Variants in HMX1 observed in about 807,000 individuals in gnomAD.
HMX1 encodes H6 family homeobox 1.
A neutral mutation model predicts 8.9 loss-of-function variants in HMX1; 8 were observed. The observed-to-expected ratio is 0.90, with a 90% CI of 0.53 to 1.63. The LOEUF (loss-of-function observed/expected upper bound fraction) is 1.63. Ranked by LOEUF, HMX1 falls within the 40% of genes most tolerant of loss-of-function variation. HMX1 has a pLI of 0.00. For synonymous variants in HMX1, 311 were observed against 283.4 expected (o/e 1.10, Z -0.98); for missense variants, 621 against 558.5 (o/e 1.11, Z -1.13).
chr4:8,868,489 C>G lies in HMX1; in HGVS notation c.395-144G>C, dbSNP rs188941740. 51 of 629,880 alleles carry G rather than the reference C, an allele frequency of 8.1e-5. No individual in the cohort carries two copies. Among genetic ancestry groups the G allele is most frequent in the Middle Eastern group, 4.6e-4 (1 of 2,180 alleles). 39.0% of individuals were successfully genotyped at this position (629,880 alleles called of 1,614,324 possible). A position where few individuals can be genotyped will look rare whatever the true frequency, so the allele number is the denominator to read the frequency against. On this transcript the variant is annotated intron_variant, in intron 1 of 1. Transcript: ENST00000400677. This position sits in a 1 kb window ranked among gnomAD's most constrained non-coding sequence, Gnocchi z 4.6. ...GCACAGGGCTGGGCACCCAGCAGCTCTGGGGATGCACACATTGTCAGAACC... is the reference window on the plus strand; with the variant it reads ...GCACAGGGCTGGGCACCCAGCAGCTGTGGGGATGCACACATTGTCAGAACC...
chr4:8,858,741 A>C (rs991804309), intron 1 of HMX1: 1 of 152,182 alleles, frequency 6.6e-6, no homozygotes, highest in African/African-American at 2.4e-5. Context: ...GCAACGAAAA[A>C]CGAAGGTCCT....
intron 1 of HMX1, among the ~76,000 whole-genome samples, chr4:8,858,035 C>G (rs555990838): frequency 1.3e-5 from 2 of 151,854 alleles, no homozygotes; most frequent in South Asian, 4.2e-4. Flanking sequence ...GCCATTAGGG[C>G]TAATGCGATG....
At chr4:8,864,393 C>T (rs757565865), downstream of HMX1, among the ~76,000 whole-genome samples, 2 of 152,114 alleles carry the variant, frequency 1.3e-5, no homozygotes, top group African/African-American at 2.4e-5. Flanking sequence ...GGCTGGAATC[C>T]GGACTCAGGT....
rs1207315749 is a variant in HMX1 at position 8,849,518 on chromosome 4, C to G, written c.395-3194G>C. Reference sequence around the variant, plus strand: ...CTGGAGGGGCACAGCCCGACCGACGCCTGGGGCTCAGACTTGTGGTCCCCA... The same window carrying G: ...CTGGAGGGGCACAGCCCGACCGACGGCTGGGGCTCAGACTTGTGGTCCCCA... On this transcript the variant is annotated intron_variant, in intron 1 of 1. Coordinates refer to the HMX1 transcript ENST00000506970. The surrounding 1 kb of genome is among the most constrained non-coding windows in gnomAD (Gnocchi z 6.6). Among the ~76,000 whole-genome samples, 5 of 152,092 alleles carry G rather than the reference C, an allele frequency of 3.3e-5. No individual in the cohort carries two copies. The highest frequency in any genetic ancestry group is 1.2e-4 in the African/African-American group (5 of 41,446).
downstream of HMX1, among the ~76,000 whole-genome samples, chr4:8,863,419 C>T (rs1472287470): frequency 6.6e-6 from 1 of 152,254 alleles, no homozygotes; most frequent in Admixed American, 6.5e-5. Flanking sequence ...AGTCCAGAGC[C>T]TTCCGTCTCC....
downstream of HMX1, among the ~76,000 whole-genome samples, chr4:8,865,281 G>A (rs1721959194): frequency 6.6e-6 from 1 of 152,238 alleles, no homozygotes; most frequent in Admixed American, 6.5e-5. Context: ...TTGCATCACA[G>A]CGATAACCCC....
chr4:8,864,777 C>T (rs756474886), downstream of HMX1, among the ~76,000 whole-genome samples: 53 of 152,320 alleles, frequency 3.5e-4, no homozygotes, highest in Middle Eastern at 3.4e-3. Flanking sequence ...AACAGTGTTC[C>T]AGGCCCCAGC....
intron 1 of HMX1, among the ~76,000 whole-genome samples, chr4:8,854,186 C>T (rs747209951): frequency 1.3e-5 from 2 of 152,142 alleles, no homozygotes; most frequent in Non-Finnish European, 2.9e-5. Context: ...AGTGGGGGGT[C>T]GACAGATCCT....
rs1721311682 is a variant in HMX1 at position 8,847,400 on chromosome 4, T to C, written c.395-1076A>G. On this transcript the variant is annotated intron_variant, in intron 1 of 1. Coordinates refer to the HMX1 transcript ENST00000506970. The surrounding 1 kb of genome is among the most constrained non-coding windows in gnomAD (Gnocchi z 6.0). ...GAGCAAGATGTTTCTGGGAACGTGG[T>C]TTGAGAAATGCTGTTCACGGTGAAG... 6.6e-6 allele frequency among the ~76,000 whole-genome samples: 1 copy of C among 152,182 alleles called. No individual in the cohort carries two copies. Among genetic ancestry groups the C allele is most frequent in the Non-Finnish European group, 1.5e-5 (1 of 68,032 alleles).
chr4:8,852,660 A>G (rs1221171593), intron 1 of HMX1, among the ~76,000 whole-genome samples: 3 of 152,336 alleles, frequency 2.0e-5, no homozygotes, highest in South Asian at 2.1e-4. Flanking sequence ...GAAGGGCTTT[A>G]CAAGTCCTGG....
chr4:8,854,952 C>T (rs1359057297), intron 1 of HMX1, among the ~76,000 whole-genome samples: 2 of 152,214 alleles, frequency 1.3e-5, no homozygotes. Flanking sequence ...ACATGAGAAG[C>T]ACTCAACTTC....
intron 1 of HMX1, among the ~76,000 whole-genome samples, chr4:8,861,887 G>T (rs1284626113): frequency 6.6e-6 from 1 of 152,264 alleles, no homozygotes; most frequent in African/African-American, 2.4e-5. Context: ...CAACGCACCC[G>T]GGACCAAGAG....
In HMX1 at chr4:8,871,681, T is replaced by C. The variant is rs2109478318; in HGVS notation, c.-67A>G. 8.8e-7 allele frequency: 1 copy of C among 1,140,810 alleles called. No homozygotes were observed. Among genetic ancestry groups the C allele is most frequent in the South Asian group, 4.4e-5 (1 of 22,794 alleles). 70.7% of individuals were successfully genotyped at this position (1,140,810 alleles called of 1,614,324 possible). A position where few individuals can be genotyped will look rare whatever the true frequency, so the allele number is the denominator to read the frequency against. ...CCCGCTGGGGATGGTGGCGCGCGGC[T>C]CCCGGGCGCACGCGCGGGCCGGCCC... On this transcript the variant is annotated 5_prime_UTR_variant, in exon 1 of 2. Transcript: ENST00000400677. The surrounding 1 kb of genome is among the most constrained non-coding windows in gnomAD (Gnocchi z 4.8).
At chr4:8,846,957 C>G (rs1017108649) in intron 1 of HMX1, among the ~76,000 whole-genome samples, 1 of 152,180 alleles carries the variant, frequency 6.6e-6, no homozygotes, top group Non-Finnish European at 1.5e-5. Context: ...TCAGGCACCC[C>G]CTGAGGGCAG....
chr4:8,867,238 C>T lies in HMX1; in HGVS notation c.*455G>A, dbSNP rs1377583667. Reference sequence around the variant, plus strand: ...GGGGTAGCACAGCCCTCCGGGCCGGCCTGCTGTCTGGGTCCCAGGAAAGGG... The same window carrying T: ...GGGGTAGCACAGCCCTCCGGGCCGGTCTGCTGTCTGGGTCCCAGGAAAGGG... On this transcript the variant is annotated 3_prime_UTR_variant, in exon 2 of 2. Transcript: ENST00000400677. 8.1e-6 allele frequency: 8 copies of T among 985,896 alleles called. No homozygotes were observed. Among genetic ancestry groups the T allele is most frequent in the Admixed American group, 6.1e-5 (1 of 16,288 alleles). The allele number at this position is 985,896 out of a possible 1,614,324, so 61.1% of individuals were successfully genotyped here. A position where few individuals can be genotyped will look rare whatever the true frequency, so the allele number is the denominator to read the frequency against.
In HMX1 at chr4:8,867,608, C is replaced by T. The variant is rs1310965476; in HGVS notation, c.*85G>A. ...GCAGGAGCGACCATCCCTTCCCTAA[C>T]GCCCCCTGAGCCCTGCGCCTGCCGC... On this transcript the variant is annotated 3_prime_UTR_variant, in exon 2 of 2. Coordinates refer to ENST00000400677, the MANE Select transcript of HMX1 (RefSeq NM_018942.3). The T allele has an allele frequency of 1.3e-5, 15 of 1,193,930 alleles. No individual in the cohort carries two copies. The highest frequency in any genetic ancestry group is 3.2e-4 in the Middle Eastern group (1 of 3,132). The allele number at this position is 1,193,930 out of a possible 1,614,324, so 74.0% of individuals were successfully genotyped here.
chr4:8,866,018 A>C (rs753318321), downstream of HMX1, among the ~76,000 whole-genome samples: 1 of 152,176 alleles, frequency 6.6e-6, no homozygotes, highest in Non-Finnish European at 1.5e-5. Context: ...CGCTGTCATG[A>C]CACAGGGCCT....
chr4:8,853,718 G>C lies in HMX1; in HGVS notation c.395-7394C>G, dbSNP rs563799819. On this transcript the variant is annotated intron_variant, in intron 1 of 1. Coordinates refer to the HMX1 transcript ENST00000506970. The surrounding 1 kb of genome is among the most constrained non-coding windows in gnomAD (Gnocchi z 4.7). ...AATACAGAAATTAGCTGGGTGTGGT[G>C]GTGGGCCCCTGTAATCTCAGCTACT... Among the ~76,000 whole-genome samples the C allele has an allele frequency of 6.6e-6, 1 of 152,112 alleles. No individual in the cohort carries two copies. Among genetic ancestry groups the C allele is most frequent in the South Asian group, 2.1e-4 (1 of 4,810 alleles).
intron 1 of HMX1, among the ~76,000 whole-genome samples, chr4:8,869,483 C>T (rs1004834142): frequency 1.3e-5 from 2 of 152,224 alleles, no homozygotes; most frequent in Non-Finnish European, 2.9e-5. Flanking sequence ...TGCACTCGGC[C>T]GGGTGTGTGC....
Sources: allele counts gnomAD v4.1 joint callset (sites outside exome capture counted in the v4.1 genomes callset), GRCh38; gene constraint gnomAD v4.1.1; non-coding constraint Gnocchi (gnomAD v3.1); transcripts MANE v1.5; gene names NCBI Gene and HGNC (gene_info 2026-07-23, HGNC 2026-07-21).